The following ANK3 variants were observed in gnomAD, a reference collection of about 807,000 sequenced individuals.
ANK3 encodes the protein ankyrin 3, also known as ankyrin-3.
ANK3 carries 57 observed loss-of-function variants against 370.9 expected under a neutral mutation model. The ratio of observed to expected loss-of-function variants is 0.15; its 90% CI spans 0.12 to 0.19. The LOEUF (loss-of-function observed/expected upper bound fraction) is 0.19, where lower values mean the gene tolerates loss of function less well. Ranked by LOEUF, ANK3 falls within the 10% of genes least tolerant of loss-of-function variation. The pLI is 1.00. For synonymous variants in ANK3, 1,929 were observed against 1,946.3 expected, an observed-to-expected ratio of 0.99 and a Z score of 0.23; for missense variants, 4,439 against 5,302.1, an observed-to-expected ratio of 0.84 and a Z score of 5.06.
At position 60,244,634 on chromosome 10, in the gene ANK3, T is replaced by A. The variant is rs115860855; in HGVS notation, c.799-9848A>T. ...TTAAGATTTTTATGTTTTCTCATTCTATTTTCTTATACTTTGGCATTATTT... is the reference window on the plus strand; with the variant it reads ...TTAAGATTTTTATGTTTTCTCATTCAATTTTCTTATACTTTGGCATTATTT... On this transcript the variant is annotated intron_variant, in intron 7 of 43. Coordinates refer to ENST00000280772, the MANE Select transcript of ANK3 (RefSeq NM_020987.5). Among the ~76,000 whole-genome samples, 850 of 152,352 alleles carry A rather than the reference T, an allele frequency of 5.6e-3. 9 individuals carry two copies. Among genetic ancestry groups the A allele is most frequent in the African/African-American group, 0.02 (827 of 41,582 alleles).
chr10:60,569,337 C>T (rs1448599610), intron 2 of ANK3, among the ~76,000 whole-genome samples: 1 of 151,992 alleles, frequency 6.6e-6, no homozygotes, highest in Non-Finnish European at 1.5e-5. Flanking sequence ...TCCTAGTATC[C>T]CCAGTAGCTG....
chr10:60,577,275 C>T (rs1334694544), intron 2 of ANK3, among the ~76,000 whole-genome samples: 3 of 152,154 alleles, frequency 2.0e-5, no homozygotes, highest in African/African-American at 7.2e-5. Flanking sequence ...TGCCCACTAT[C>T]TCAAGTGATG....
intron 2 of ANK3, among the ~76,000 whole-genome samples, chr10:60,422,090 T>A (rs570427450): frequency 2.0e-5 from 3 of 152,210 alleles, no homozygotes; most frequent in African/African-American, 4.8e-5. Flanking sequence ...AGAAGTCTAT[T>A]TGCAGACTCC....
At chr10:60,643,615 CA>C (rs2078667807) in intron 1 of ANK3, among the ~76,000 whole-genome samples, 1 of 151,974 alleles carries the variant, frequency 6.6e-6, no homozygotes, top group Non-Finnish European at 1.5e-5. Context: ...TTCTAGGGAC[CA>C]ACCTTTCTCA....
chr10:60,122,430 G>A (rs2093536676), intron 25 of ANK3, among the ~76,000 whole-genome samples: 3 of 152,222 alleles, frequency 2.0e-5, no homozygotes, highest in Non-Finnish European at 2.9e-5. Flanking sequence ...GCAGGCCCAC[G>A]TGGCTCAGAC....
chr10:60,631,054 G>A (rs918161393), intron 1 of ANK3, among the ~76,000 whole-genome samples: 2 of 152,136 alleles, frequency 1.3e-5, no homozygotes, highest in Admixed American at 1.3e-4. Context: ...ATGACTCCCA[G>A]GTTTTTGATA....
intron 1 of ANK3, among the ~76,000 whole-genome samples, chr10:60,723,948 C>A (rs984342827): frequency 6.6e-6 from 1 of 151,534 alleles, no homozygotes; most frequent in African/African-American, 2.4e-5. Flanking sequence ...CGGTGGCTCA[C>A]GCCTGTAATC....
chr10:60,355,626 T>A (rs962978859), intron 1 of ANK3, among the ~76,000 whole-genome samples: 23 of 152,162 alleles, frequency 1.5e-4, no homozygotes, highest in Non-Finnish European at 2.2e-4. Context: ...GGCTCCCCCT[T>A]CTAACCTACT....
chr10:60,552,256 T>A (rs1422655643), intron 2 of ANK3, among the ~76,000 whole-genome samples: 1 of 152,018 alleles, frequency 6.6e-6, no homozygotes, highest in Non-Finnish European at 1.5e-5. Flanking sequence ...GAAATAGGAG[T>A]CTTCATGTAT....
chr10:60,357,279 A>T (rs1373552483), intron 1 of ANK3, among the ~76,000 whole-genome samples: 1 of 152,058 alleles, frequency 6.6e-6, no homozygotes, highest in Non-Finnish European at 1.5e-5. Flanking sequence ...CAGCTGCGTC[A>T]CCTCCAAAGT....
At chr10:60,572,281 G>A (rs1254433249) in intron 2 of ANK3, among the ~76,000 whole-genome samples, 2 of 152,066 alleles carry the variant, frequency 1.3e-5, no homozygotes, top group Non-Finnish European at 2.9e-5. Flanking sequence ...CAGTGTATCC[G>A]AGTTGTGATG....
rs116447246 is a variant in ANK3 at position 60,161,386 on chromosome 10, C to A, written c.2614+5205G>T. On this transcript the variant is annotated intron_variant, in intron 23 of 43. Transcript: ENST00000280772. The stretch of plus-strand genomic sequence containing the variant: ...TCCAGAAATCCCACTGCTGGGCATA[C>A]ATCCAAATAAAAAAAAGAAAATCAG... Among the ~76,000 whole-genome samples the A allele has an allele frequency of 8.4e-3, 1,279 of 152,134 alleles. 11 individuals carry two copies. Among genetic ancestry groups the A allele is most frequent in the African/African-American group, 0.03 (1,230 of 41,512 alleles).
chr10:60,174,375 G>A (rs553959775), intron 18 of ANK3, among the ~76,000 whole-genome samples: 8 of 152,242 alleles, frequency 5.3e-5, no homozygotes, highest in African/African-American at 1.7e-4. Flanking sequence ...CTGAATACAC[G>A]ATGGAAGATA....
chr10:60,669,389 T>C (rs578198795), intron 1 of ANK3, among the ~76,000 whole-genome samples: 2 of 152,252 alleles, frequency 1.3e-5, no homozygotes, highest in African/African-American at 4.8e-5. Flanking sequence ...GTGATTTTGG[T>C]TTTTTTGCCT....
At chr10:60,587,553 A>G (rs2077849658) in intron 2 of ANK3, among the ~76,000 whole-genome samples, 1 of 152,202 alleles carries the variant, frequency 6.6e-6, no homozygotes, top group Admixed American at 6.5e-5. Context: ...GGAAGCTGTC[A>G]AAATCCACTG....
intron 1 of ANK3, among the ~76,000 whole-genome samples, chr10:60,682,338 C>T (rs189225686): frequency 1.3e-4 from 20 of 152,152 alleles, no homozygotes; most frequent in Admixed American, 1.0e-3. Flanking sequence ...GGGCTCTAAT[C>T]CTGATTCTGC....
intron 2 of ANK3, among the ~76,000 whole-genome samples, chr10:60,484,633 TCTAA>T (rs2075304696): frequency 6.6e-6 from 1 of 152,112 alleles, no homozygotes; most frequent in African/African-American, 2.4e-5. Flanking sequence ...AACAGGAATG[TCTAA>T]CTACATAGTC....
At chr10:60,555,489 A>G (rs1567142299) in intron 2 of ANK3, among the ~76,000 whole-genome samples, 1 of 151,436 alleles carries the variant, frequency 6.6e-6, no homozygotes, top group African/African-American at 2.4e-5. Context: ...TTAAAAATGA[A>G]AAAAAAAAGA....
chr10:60,632,894 A>T (rs1269578030), intron 1 of ANK3, among the ~76,000 whole-genome samples: 2 of 96,050 alleles, frequency 2.1e-5, no homozygotes, highest in Non-Finnish European at 4.6e-5. Context: ...AAAACAAAAA[A>T]ATAAAAAACA....
Sources: allele counts gnomAD v4.1 joint callset (sites outside exome capture counted in the v4.1 genomes callset), GRCh38; gene constraint gnomAD v4.1.1; transcripts MANE v1.5; gene names NCBI Gene and HGNC (gene_info 2026-07-23, HGNC 2026-07-21).